The following RAPGEF6 variants were observed in gnomAD, a reference collection of about 807,000 sequenced individuals.
RAPGEF6 encodes Rap guanine nucleotide exchange factor 6, also known as PDZ domain containing guanine nucleotide exchange factor (GEF) 2.
Under a neutral mutation model 171.4 loss-of-function variants are expected in RAPGEF6, and 56 were observed. The observed-to-expected ratio is 0.33, with a 90% CI of 0.26 to 0.41. RAPGEF6 has a LOEUF of 0.41. RAPGEF6 is among the 10% of genes least tolerant of loss of function. The pLI is 1.00. For synonymous variants in RAPGEF6, 692 were observed against 650.1 expected (o/e 1.06, Z -0.98); for missense variants, 1,674 against 1,921.4 (o/e 0.87, Z 2.41).
chr5:131,449,471 T>G (rs1469178498), intron 21 of RAPGEF6, among the ~76,000 whole-genome samples: 1 of 152,154 alleles, frequency 6.6e-6, no homozygotes, highest in African/African-American at 2.4e-5. Context: ...TGATGGAAAA[T>G]GCAACCTTCA....
chr5:131,599,958 C>T (rs2150011167), intron 3 of RAPGEF6, among the ~76,000 whole-genome samples: 1 of 152,276 alleles, frequency 6.6e-6, no homozygotes, highest in Middle Eastern at 3.4e-3. Flanking sequence ...GTCTCAGACC[C>T]CATACTGAAA....
intron 20 of RAPGEF6, 38 bp from the exon 21 acceptor site, chr5:131,453,215 AT>A: frequency 1.3e-6 from 2 of 1,553,764 alleles, no homozygotes; most frequent in Non-Finnish European, 1.7e-6. Context: ...TCAAAATTAA[AT>A]TATCTACATA....
In RAPGEF6 at chr5:131,492,564, G is replaced by A. The variant is rs758251478; in HGVS notation, c.1731+18C>T. On this transcript the variant is annotated intron_variant, in intron 14 of 27. Coordinates refer to ENST00000509018, the MANE Select transcript of RAPGEF6 (RefSeq NM_016340.6). The stretch of plus-strand genomic sequence containing the variant: ...CTTTTAAGAAGGCTTGAATATAAGT[G>A]GTTGGTTATTTCCTTACCTGATCAC... 1.2e-6 allele frequency: 2 copies of A among 1,609,808 alleles called. No homozygotes were observed. The highest frequency in any genetic ancestry group is 1.7e-6 in the Non-Finnish European group (2 of 1,176,180).
At chr5:131,521,339 C>T in intron 7 of RAPGEF6, 51 bp downstream of exon 7, 1 of 1,485,332 alleles carries the variant, frequency 6.7e-7, no homozygotes, top group Non-Finnish European at 9.0e-7. Flanking sequence ...CACAGAATAT[C>T]TGGCAAATAA....
At chr5:131,483,794 G>T (rs1258182399) in intron 15 of RAPGEF6, among the ~76,000 whole-genome samples, 1 of 151,910 alleles carries the variant, frequency 6.6e-6, no homozygotes, top group Non-Finnish European at 1.5e-5. Flanking sequence ...ATAAAAAGGG[G>T]CAGATGAAGT....
At chr5:131,473,034 A>G in intron 16 of RAPGEF6, 1 of 307,958 alleles carries the variant, frequency 3.2e-6, no homozygotes, top group East Asian at 6.8e-5. Context: ...ACTGAACCTG[A>G]GTATTTAGGG....
At chr5:131,435,880 G>T in intron 24 of RAPGEF6, 1 of 1,446,832 alleles carries the variant, frequency 6.9e-7, no homozygotes, top group Non-Finnish European at 9.1e-7. Flanking sequence ...TTGACAAATG[G>T]TTTAATTTAA....
intron 27 of RAPGEF6, 140 bp downstream of exon 27, chr5:131,428,762 G>T: frequency 1.0e-6 from 1 of 960,274 alleles, no homozygotes; most frequent in African/African-American, 1.7e-5. Context: ...GCACCCTGCC[G>T]GCAGGAACTT....
rs1454086114 is a variant in RAPGEF6, at chr5:131,426,084, T to C, written c.*1182A>G. On this transcript the variant is annotated 3_prime_UTR_variant, in exon 28 of 28. Coordinates refer to ENST00000509018, the MANE Select transcript of RAPGEF6 (RefSeq NM_016340.6). Reference sequence around the variant, plus strand: ...TGCCATACCCATGAGGCTGGAAAAGTATGTCCTCTCAAGGGCTAAAAACTG... The same window carrying C: ...TGCCATACCCATGAGGCTGGAAAAGCATGTCCTCTCAAGGGCTAAAAACTG... The C allele has an allele frequency of 6.6e-6, 1 of 152,188 alleles. No homozygotes were observed. The highest frequency in any genetic ancestry group is 1.5e-5 in the Non-Finnish European group (1 of 68,008). 9.4% of individuals were successfully genotyped at this position (152,188 alleles called of 1,614,324 possible). A position where few individuals can be genotyped will look rare whatever the true frequency, so the allele number is the denominator to read the frequency against.
At chr5:131,549,293 A>G (rs1019451136) in intron 5 of RAPGEF6, among the ~76,000 whole-genome samples, 6 of 152,138 alleles carry the variant, frequency 3.9e-5, no homozygotes, top group Admixed American at 6.5e-5. Flanking sequence ...GTTTTCCCCC[A>G]TAACTACTCT....
intron 7 of RAPGEF6, among the ~76,000 whole-genome samples, chr5:131,521,149 A>G (rs1758448442): frequency 6.6e-6 from 1 of 152,224 alleles, no homozygotes; most frequent in Admixed American, 6.5e-5. Flanking sequence ...ATTCACCTGG[A>G]TAAATGAAAG....
At chr5:131,501,406 C>T (rs1267400689) in intron 11 of RAPGEF6, among the ~76,000 whole-genome samples, 1 of 151,220 alleles carries the variant, frequency 6.6e-6, no homozygotes, top group Non-Finnish European at 1.5e-5. Flanking sequence ...GCAATTAAAT[C>T]TCAATGTGAA....
intron 21 of RAPGEF6, among the ~76,000 whole-genome samples, chr5:131,448,220 T>C (rs1161243476): frequency 6.6e-6 from 1 of 152,208 alleles, no homozygotes; most frequent in Non-Finnish European, 1.5e-5. Flanking sequence ...ATCCAGAAGC[T>C]AATGACTCTA....
intron 3 of RAPGEF6, among the ~76,000 whole-genome samples, chr5:131,593,319 T>C (rs1763697812): frequency 6.6e-6 from 1 of 152,238 alleles, no homozygotes; most frequent in South Asian, 2.1e-4. Flanking sequence ...CACAGAGAAA[T>C]CATTCTTATT....
chr5:131,529,391 G>A (rs986472203), intron 6 of RAPGEF6, among the ~76,000 whole-genome samples: 5 of 151,700 alleles, frequency 3.3e-5, no homozygotes, highest in African/African-American at 9.7e-5. Context: ...CAGGAGACTC[G>A]CTTTGACCCG....
chr5:131,447,907 C>T (rs2149818054), intron 21 of RAPGEF6, among the ~76,000 whole-genome samples: 1 of 152,308 alleles, frequency 6.6e-6, no homozygotes, highest in South Asian at 2.1e-4. Flanking sequence ...TTATTTACAT[C>T]TGCAGAGACC....
At chr5:131,531,905 G>A (rs375187254) in intron 6 of RAPGEF6, among the ~76,000 whole-genome samples, 3 of 151,940 alleles carry the variant, frequency 2.0e-5, no homozygotes, top group African/African-American at 7.2e-5. Flanking sequence ...GATTTAAAAC[G>A]CACCTTTCAA....
At chr5:131,621,157 T>C (rs2150033938) in intron 1 of RAPGEF6, among the ~76,000 whole-genome samples, 1 of 152,344 alleles carries the variant, frequency 6.6e-6, no homozygotes, top group South Asian at 2.1e-4. Flanking sequence ...CTATATATAG[T>C]TGTTCCTTGG....
At chr5:131,468,101 G>A (rs558601917) in intron 17 of RAPGEF6, among the ~76,000 whole-genome samples, 1 of 151,810 alleles carries the variant, frequency 6.6e-6, no homozygotes, top group Admixed American at 6.6e-5. Flanking sequence ...GCCGAGGTGG[G>A]CGGATCACGA....
Sources: gnomAD v4.1 joint callset for allele counts (sites outside exome capture counted in the v4.1 genomes callset) on GRCh38, gnomAD v4.1.1 for gene constraint, MANE v1.5 for transcripts, NCBI Gene and HGNC (gene_info 2026-07-23, HGNC 2026-07-21) for gene names.